EXOC3: variants seen among roughly 807,000 people sequenced by gnomAD.
The protein encoded by EXOC3 is exocyst complex component 3.
EXOC3 carries 21 observed loss-of-function variants against 73.7 expected under a neutral mutation model. That is an observed-to-expected ratio of 0.29 (90% CI 0.20 to 0.41). The LOEUF (loss-of-function observed/expected upper bound fraction) is 0.41. Ranked by LOEUF, EXOC3 falls within the 10% of genes least tolerant of loss-of-function variation. The pLI, the probability that EXOC3 is intolerant of heterozygous loss-of-function variation, is 1.00. For missense variants in EXOC3, 842 were observed against 985.1 expected (o/e 0.85, Z 1.95); for synonymous variants, 410 against 389.1 (o/e 1.05, Z -0.63).
intron 12 of EXOC3, chr5:466,330 C>T (rs1738149818): frequency 7.7e-6 from 2 of 259,622 alleles, no homozygotes; most frequent in Middle Eastern, 1.2e-3. Flanking sequence ...GCTCCAGGCC[C>T]CAGGCCAGCC....
intron 11 of EXOC3, 46 bp from the exon 12 acceptor site, chr5:465,672 C>T (rs1195200168): frequency 1.9e-6 from 3 of 1,611,198 alleles, no homozygotes; most frequent in Admixed American, 3.3e-5. Flanking sequence ...CTCCCAGCGC[C>T]GCGGGACAGC....
intron 3 of EXOC3, among the ~76,000 whole-genome samples, chr5:448,824 C>G (rs1737577430): frequency 6.6e-6 from 1 of 152,214 alleles, no homozygotes; most frequent in Non-Finnish European, 1.5e-5. Context: ...TGCCCTTCTT[C>G]CAGGGCATGA....
intron 7 of EXOC3, among the ~76,000 whole-genome samples, chr5:460,849 G>T (rs1218417960): frequency 6.6e-6 from 1 of 152,208 alleles, no homozygotes; most frequent in Non-Finnish European, 1.5e-5. Flanking sequence ...GCTTTTTGAT[G>T]ACCTGAACCA....
rs763033922 is a variant in EXOC3, at chr5:446,229, C to T, written c.24C>T (p.Ala8=). ...CCATGAAGGAGACAGACCGGGAGGCCGTTGCGACAGCAGTGCAAAGGGTTG... is the reference window on the plus strand; with the variant it reads ...CCATGAAGGAGACAGACCGGGAGGCTGTTGCGACAGCAGTGCAAAGGGTTG... MKETDRE[A]VATAVQRVAG... Residue 8 remains alanine (A), a synonymous_variant, in exon 2 of 13, where the codon GCC becomes GCT. Coordinates refer to ENST00000512944, the MANE Select transcript of EXOC3 (RefSeq NM_007277.5). The T allele has an allele frequency of 2.3e-5, 37 of 1,613,830 alleles. No individual in the cohort carries two copies. The East Asian group carries it at 2.7e-4, about 12-fold the overall frequency.
rs1375032316 is a variant in EXOC3, at chr5:447,535, C to T, written c.147C>T (p.Ala49=). The T allele has an allele frequency of 5.8e-6, 9 of 1,557,108 alleles. No homozygotes were observed. Among genetic ancestry groups the T allele is most frequent in the African/African-American group, 2.7e-5 (2 of 73,418 alleles). ...KKASVEARLK[A]AIQSQLDGVR... Reference sequence around the variant, plus strand: ...ACCCGTGTGGCGTCTCTCTTTAGGCCGCCATCCAGTCACAGTTGGACGGGG... The same window carrying T: ...ACCCGTGTGGCGTCTCTCTTTAGGCTGCCATCCAGTCACAGTTGGACGGGG... Residue 49 remains alanine, a splice_region_variant and synonymous_variant, in exon 3 of 13, where the codon GCC becomes GCT. Transcript: ENST00000512944.
intron 2 of EXOC3, 37 bp from the exon 3 acceptor site, chr5:447,496 C>T (rs1392001707): frequency 6.9e-7 from 1 of 1,446,560 alleles, no homozygotes. Flanking sequence ...GCATGGCTAT[C>T]ATTGGCTCTG....
chr5:457,138 G>A (rs746810152), intron 5 of EXOC3, 132 bp downstream of exon 5: 4 of 661,022 alleles, frequency 6.1e-6, no homozygotes, highest in East Asian at 2.7e-5. Flanking sequence ...TCAGTTGCCC[G>A]GGCTCTGCTT....
chr5:463,774 C>G (rs181597301), intron 9 of EXOC3, among the ~76,000 whole-genome samples: 74 of 152,312 alleles, frequency 4.9e-4, no homozygotes, highest in African/African-American at 1.7e-3. Context: ...TATACAGATT[C>G]ACTGTTGCAT....
intron 1 of EXOC3, chr5:445,179 G>A (rs193232240): frequency 2.0e-5 from 3 of 152,204 alleles, no homozygotes; most frequent in Admixed American, 6.5e-5. Context: ...TTAGCTCCCC[G>A]AGGAGGACGA....
Position 464,997 on chromosome 5 carries a change from G to T in EXOC3, c.1777-114G>T, listed in dbSNP as rs537510158. 28 of 1,089,616 alleles carry T rather than the reference G, an allele frequency of 2.6e-5. No homozygotes were observed. The African/African-American group carries it at 4.1e-4, about 16-fold the overall frequency. 67.5% of individuals were successfully genotyped at this position (1,089,616 alleles called of 1,614,324 possible). ...GCCAGAGCCGTGGCGGAGCGAGGAG[G>T]AGTGGGCTCAGAGCCTCCGGGGAGC... On this transcript the variant is annotated intron_variant, in intron 10 of 12. Coordinates refer to ENST00000512944, the MANE Select transcript of EXOC3 (RefSeq NM_007277.5).
chr5:465,990 C>G lies in EXOC3; in HGVS notation c.2066+145C>G, dbSNP rs963447148. ...GGGTTCAGGTGCGGCACAGCGGGGC[C>G]CAGGCGCAGGGAGCAGAGCTGCTTC... On this transcript the variant is annotated intron_variant, in intron 12 of 12. Transcript: ENST00000512944. The G allele has an allele frequency of 4.5e-6, 4 of 895,176 alleles. No homozygotes were observed. In the African/African-American group the frequency reaches 6.7e-5, roughly 15 times the overall value. 55.5% of individuals were successfully genotyped at this position (895,176 alleles called of 1,614,324 possible).
In EXOC3 at chr5:467,152, G is replaced by T. The variant is rs1738176649; in HGVS notation, c.*254G>T. 1 of 507,376 alleles carries T rather than the reference G, an allele frequency of 2.0e-6. No homozygotes were observed. Among genetic ancestry groups the T allele is most frequent in the Non-Finnish European group, 3.5e-6 (1 of 282,818 alleles). 31.4% of individuals were successfully genotyped at this position (507,376 alleles called of 1,614,324 possible). On this transcript the variant is annotated 3_prime_UTR_variant, in exon 13 of 13. Transcript: ENST00000512944. ...AGCCTCTCTTGGGTGCTTGTTTGTT[G>T]CAGTGGTTGAAAGTGTGTGGGGCAC...
At position 464,820 on chromosome 5, in the gene EXOC3, C is replaced by G. The variant is rs532514893; in HGVS notation, c.1777-291C>G. 1.0e-3 allele frequency: 521 copies of G among 500,652 alleles called. 1 individual carries two copies. The highest frequency in any genetic ancestry group is 8.6e-3 in the Middle Eastern group (16 of 1,852). The allele number at this position is 500,652 out of a possible 1,614,324, so 31.0% of individuals were successfully genotyped here. A position where few individuals can be genotyped will look rare whatever the true frequency, so the allele number is the denominator to read the frequency against. ...CGTTATCAAAGGACAGCAGCAGCCA[C>G]TGACACGGGCCTGTCTGTGGACCGA... On this transcript the variant is annotated intron_variant, in intron 10 of 12. Transcript: ENST00000512944.
intron 5 of EXOC3, chr5:457,264 C>T (rs1488227454): frequency 8.0e-6 from 4 of 498,450 alleles, no homozygotes; most frequent in Non-Finnish European, 1.5e-5. Context: ...GCAGGCTGGC[C>T]AGGGCCCAGA....
chr5:447,707 A>T lies in EXOC3; in HGVS notation c.319A>T (p.Ser107Cys), dbSNP rs1246804045. Residue 107 changes from serine (S) to cysteine (C), a missense_variant, in exon 3 of 13, where the codon AGC (serine) becomes TGC (cysteine). Coordinates refer to ENST00000512944, the MANE Select transcript of EXOC3 (RefSeq NM_007277.5). ...KDVKDAVVQH[S>C]QLAAAVENLK... Reference sequence around the variant, plus strand: ...CGTCAAAGACGCCGTGGTGCAGCACAGCCAGCTCGCCGCAGCCGTGGAGAA... The same window carrying T: ...CGTCAAAGACGCCGTGGTGCAGCACTGCCAGCTCGCCGCAGCCGTGGAGAA... 1 of 1,587,170 alleles carries T rather than the reference A, an allele frequency of 6.3e-7. No individual in the cohort carries two copies. The highest frequency in any genetic ancestry group is 8.6e-7 in the Non-Finnish European group (1 of 1,165,558).
intron 4 of EXOC3, among the ~76,000 whole-genome samples, chr5:454,600 T>A (rs1483525834): frequency 6.6e-6 from 1 of 152,244 alleles, no homozygotes; most frequent in East Asian, 1.9e-4. Flanking sequence ...TCATCCTTTT[T>A]GTATCCTAGT....
At chr5:466,391 C>A (rs1438420902) in intron 12 of EXOC3, 3 of 301,112 alleles carry the variant, frequency 1.0e-5, no homozygotes, top group Admixed American at 4.7e-5. Context: ...GGGCCACCTC[C>A]ATGGCTGCAG....
At chr5:443,899 C>T (rs1057086178) in intron 1 of EXOC3, among the ~76,000 whole-genome samples, 3 of 151,410 alleles carry the variant, frequency 2.0e-5, no homozygotes, top group Admixed American at 1.3e-4. Flanking sequence ...TGGGCACAAG[C>T]GTCCTTCCTG....
chr5:456,567 G>A (rs980417963), intron 4 of EXOC3, among the ~76,000 whole-genome samples: 1 of 152,254 alleles, frequency 6.6e-6, no homozygotes, highest in African/African-American at 2.4e-5. Context: ...GCGCAGCAGG[G>A]TGAAGCTGGG....
Sources: allele counts gnomAD v4.1 joint callset (sites outside exome capture counted in the v4.1 genomes callset), GRCh38; gene constraint gnomAD v4.1.1; transcripts MANE v1.5; gene names NCBI Gene and HGNC (gene_info 2026-07-23, HGNC 2026-07-21).